PLXDC2: variants seen among roughly 807,000 people sequenced by gnomAD.
PLXDC2 encodes the protein plexin domain containing 2.
Under a neutral mutation model 68.9 loss-of-function variants are expected in PLXDC2, and 40 were observed. The observed-to-expected ratio is 0.58, with a 90% CI of 0.45 to 0.76. PLXDC2 has a LOEUF of 0.76. Ranked by LOEUF, PLXDC2 falls within the 30% of genes least tolerant of loss-of-function variation. The pLI, the probability that PLXDC2 is intolerant of heterozygous loss-of-function variation, is 0.00. For synonymous variants in PLXDC2, 243 were observed against 234.2 expected (o/e 1.04, Z -0.34); for missense variants, 644 against 661.9 (o/e 0.97, Z 0.30).
At chr10:19,937,642 C>G (rs1193085169) in intron 1 of PLXDC2, among the ~76,000 whole-genome samples, 1 of 147,072 alleles carries the variant, frequency 6.8e-6, no homozygotes, top group African/African-American at 2.5e-5. Flanking sequence ...CCCAACATAA[C>G]TTTTCTGGCG....
intron 1 of PLXDC2, among the ~76,000 whole-genome samples, chr10:19,945,727 G>C (rs1368830467): frequency 6.6e-6 from 1 of 152,168 alleles, no homozygotes; most frequent in Non-Finnish European, 1.5e-5. Flanking sequence ...CTTAGAGTCA[G>C]TTCAATTGCC....
rs63295361 is a variant in PLXDC2 at position 19,819,031 on chromosome 10, T to TACACACACACACAC, written c.112+1860_112+1873dup. Among the ~76,000 whole-genome samples, 428 of 147,830 alleles carry TACACACACACACAC rather than the reference T, an allele frequency of 2.9e-3. 2 individuals carry two copies. Among genetic ancestry groups the TACACACACACACAC allele is most frequent in the African/African-American group, 8.6e-3 (342 of 39,790 alleles). The stretch of plus-strand genomic sequence containing the variant: ...CGTTACTGAAAAAAGAATATATGTA[T>TACACACACACACAC]ACACACACACACACACACACACACA... On this transcript the variant is annotated intron_variant, in intron 1 of 13. Coordinates refer to ENST00000377252, the MANE Select transcript of PLXDC2 (RefSeq NM_032812.9).
chr10:20,093,582 T>TG (rs1424830432), intron 4 of PLXDC2, among the ~76,000 whole-genome samples: 7 of 152,036 alleles, frequency 4.6e-5, no homozygotes, highest in South Asian at 2.1e-4. Flanking sequence ...TAAAGAACAA[T>TG]ATTTTTTTTT....
chr10:19,995,371 C>T (rs942740084), intron 1 of PLXDC2, among the ~76,000 whole-genome samples: 7 of 152,174 alleles, frequency 4.6e-5, no homozygotes, highest in Admixed American at 4.6e-4. Flanking sequence ...TTTATGTTTT[C>T]AGCAATGAAT....
intron 9 of PLXDC2, among the ~76,000 whole-genome samples, chr10:20,187,449 A>G (rs4460720): frequency 0.24 from 35,674 of 151,740 alleles, 5,102 homozygotes; most frequent in East Asian, 0.5. Flanking sequence ...TAATTAACAT[A>G]TCAATCACCT....
At chr10:19,993,338 C>A (rs1278905434) in intron 1 of PLXDC2, among the ~76,000 whole-genome samples, 1 of 152,052 alleles carries the variant, frequency 6.6e-6, no homozygotes, top group Non-Finnish European at 1.5e-5. Flanking sequence ...GTTATAATGT[C>A]TCTTTACTCT....
chr10:20,041,004 A>C (rs1835672323), intron 2 of PLXDC2, among the ~76,000 whole-genome samples: 1 of 152,210 alleles, frequency 6.6e-6, no homozygotes, highest in African/African-American at 2.4e-5. Context: ...TAGTAATAGC[A>C]TTCTGATTTA....
intron 1 of PLXDC2, among the ~76,000 whole-genome samples, chr10:19,977,763 G>A (rs552704107): frequency 3.9e-5 from 6 of 152,180 alleles, no homozygotes; most frequent in South Asian, 2.1e-4. Flanking sequence ...GAAATCTCAT[G>A]TGTCTTTCTT....
chr10:20,162,071 A>AGAGAGAAG (rs1834305289), intron 6 of PLXDC2, among the ~76,000 whole-genome samples: 31 of 44,876 alleles, frequency 6.9e-4, no homozygotes, highest in Non-Finnish European at 4.1e-4. Flanking sequence ...AGAGAGAGAG[A>AGAGAGAAG]GAAGGAAGGA....
At chr10:19,952,186 T>C (rs1287794912) in intron 1 of PLXDC2, among the ~76,000 whole-genome samples, 2 of 152,210 alleles carry the variant, frequency 1.3e-5, no homozygotes, top group Non-Finnish European at 2.9e-5. Flanking sequence ...TTTTAAAATG[T>C]AAAAAGAAAA....
At chr10:20,134,384 C>T (rs1833906944) in intron 4 of PLXDC2, among the ~76,000 whole-genome samples, 1 of 152,146 alleles carries the variant, frequency 6.6e-6, no homozygotes, top group African/African-American at 2.4e-5. Flanking sequence ...TGTCCTTCAC[C>T]ACTCAGTCCA....
chr10:20,174,554 C>T (rs1834499620), intron 7 of PLXDC2, among the ~76,000 whole-genome samples: 1 of 152,018 alleles, frequency 6.6e-6, no homozygotes, highest in Non-Finnish European at 1.5e-5. Context: ...ACCCTTTCTC[C>T]ACCCCTTCTG....
chr10:20,050,713 A>AAAAC (rs750722815), intron 3 of PLXDC2, among the ~76,000 whole-genome samples: 1 of 151,922 alleles, frequency 6.6e-6, no homozygotes, highest in East Asian at 1.9e-4. Context: ...AAACAAAAAC[A>AAAAC]AAACAAACAA....
At chr10:19,838,012 T>A (rs1292300575) in intron 1 of PLXDC2, among the ~76,000 whole-genome samples, 1 of 152,178 alleles carries the variant, frequency 6.6e-6, no homozygotes, top group East Asian at 1.9e-4. Context: ...GATTTATTTA[T>A]TTTTGAGACA....
intron 4 of PLXDC2, among the ~76,000 whole-genome samples, chr10:20,090,725 C>G (rs912103112): frequency 1.3e-5 from 2 of 152,028 alleles, no homozygotes; most frequent in Admixed American, 1.3e-4. Flanking sequence ...ACGACTTGCA[C>G]AATATTTTTG....
chr10:20,049,630 T>C (rs1402593019), intron 3 of PLXDC2, among the ~76,000 whole-genome samples: 1 of 151,222 alleles, frequency 6.6e-6, no homozygotes, highest in African/African-American at 2.4e-5. Flanking sequence ...AACAATAAAA[T>C]ACCTAGTAAT....
intron 2 of PLXDC2, among the ~76,000 whole-genome samples, chr10:20,029,645 C>G (rs941803204): frequency 3.3e-5 from 5 of 152,150 alleles, no homozygotes; most frequent in Non-Finnish European, 5.9e-5. Flanking sequence ...AATAAAATCT[C>G]TTTTAGCTAT....
intron 4 of PLXDC2, among the ~76,000 whole-genome samples, chr10:20,071,657 A>G (rs1260686897): frequency 6.6e-6 from 1 of 152,136 alleles, no homozygotes; most frequent in Non-Finnish European, 1.5e-5. Context: ...TTCCTTTATA[A>G]ATTACCCAGT....
At chr10:20,106,139 G>A (rs757242161) in intron 4 of PLXDC2, among the ~76,000 whole-genome samples, 5 of 152,150 alleles carry the variant, frequency 3.3e-5, no homozygotes, top group African/African-American at 4.8e-5. Flanking sequence ...CATTTCCATG[G>A]CAGGAGGAAC....
Sources: gnomAD v4.1 joint callset for allele counts (sites outside exome capture counted in the v4.1 genomes callset) on GRCh38, gnomAD v4.1.1 for gene constraint, MANE v1.5 for transcripts, NCBI Gene and HGNC (gene_info 2026-07-23, HGNC 2026-07-21) for gene names.